Variants in SLAMF9 observed in about 807,000 individuals in gnomAD.
The protein encoded by SLAMF9 is CD2 family member 10.
Under a neutral mutation model 30.4 loss-of-function variants are expected in SLAMF9, and 25 were observed. The ratio of observed to expected loss-of-function variants is 0.82; its 90% CI spans 0.60 to 1.15. The LOEUF (loss-of-function observed/expected upper bound fraction) is 1.15. Among genes scored for constraint, SLAMF9 ranks in the 50% most tolerant of loss-of-function variants. The pLI, the probability that SLAMF9 is intolerant of heterozygous loss-of-function variation, is 0.00. For synonymous variants in SLAMF9, 129 were observed against 127.2 expected, an observed-to-expected ratio of 1.01 and a Z score of -0.09; for missense variants, 344 against 346.1, an observed-to-expected ratio of 0.99 and a Z score of 0.05.
At chr1:159,983,154 C>G in the SLAMF9 span, 2 of 152,290 alleles carry the variant, frequency 1.3e-5, no homozygotes, top group African/African-American at 4.8e-5. Context: ...TCATGACCAG[C>G]TTCTGCCTCC....
At chr1:159,970,085 T>C in the SLAMF9 span, among the ~76,000 whole-genome samples, 3 of 152,082 alleles carry the variant, frequency 2.0e-5, no homozygotes, top group Admixed American at 6.6e-5. Context: ...GATAAATAAA[T>C]AAATAAAATA....
chr1:159,954,486 C>T (rs911280543), upstream of SLAMF9, among the ~76,000 whole-genome samples: 6 of 152,174 alleles, frequency 3.9e-5, no homozygotes, highest in African/African-American at 7.2e-5. Flanking sequence ...GCCCCGAACT[C>T]GTAGAACATT....
upstream of SLAMF9, among the ~76,000 whole-genome samples, chr1:159,955,349 G>A (rs1333716704): frequency 3.3e-5 from 5 of 152,158 alleles, no homozygotes; most frequent in Non-Finnish European, 7.4e-5. Flanking sequence ...CACTTGCTTG[G>A]ATTATCTGCA....
At chr1:159,956,423 C>T (rs1651924334), upstream of SLAMF9, among the ~76,000 whole-genome samples, 1 of 152,046 alleles carries the variant, frequency 6.6e-6, no homozygotes, top group East Asian at 1.9e-4. Flanking sequence ...GAGCTATGAT[C>T]ATGCCACTGC....
the SLAMF9 span, chr1:159,980,717 T>G: frequency 6.6e-6 from 1 of 152,292 alleles, no homozygotes; most frequent in Non-Finnish European, 1.5e-5. Context: ...AATTTTATAT[T>G]GTTAGTAGAG....
At chr1:159,953,104 G>T (rs1323060798) in intron 2 of SLAMF9, among the ~76,000 whole-genome samples, 1 of 152,132 alleles carries the variant, frequency 6.6e-6, no homozygotes, top group African/African-American at 2.4e-5. Flanking sequence ...CAGCCTCCTT[G>T]CTCCAGGTCA....
chr1:159,975,234 A>T, the SLAMF9 span, among the ~76,000 whole-genome samples: 1 of 152,228 alleles, frequency 6.6e-6, no homozygotes, highest in Non-Finnish European at 1.5e-5. Flanking sequence ...CCTCGGATAT[A>T]TGCTAGTTTA....
the SLAMF9 span, chr1:159,972,707 C>T: frequency 1.3e-5 from 3 of 234,658 alleles, no homozygotes; most frequent in Non-Finnish European, 2.5e-5. Flanking sequence ...TACCCAAGAT[C>T]TCTCCATTGA....
chr1:159,963,940 A>C, the SLAMF9 span, among the ~76,000 whole-genome samples: 2 of 152,152 alleles, frequency 1.3e-5, no homozygotes, highest in Non-Finnish European at 1.5e-5. Context: ...AGTGCCTGTA[A>C]TCCCAGCTAC....
Position 159,952,596 on chromosome 1 carries a change from G to A in SLAMF9, c.392-62C>T, listed in dbSNP as rs370680350. On this transcript the variant is annotated intron_variant, in intron 2 of 3. Transcript: ENST00000368093. ...TCAGGGATCGGGTCTGTTTTCCTAA[G>A]CTCCTCAAACCTGGGGTACTAATGC... 191 of 1,570,724 alleles carry A rather than the reference G, an allele frequency of 1.2e-4. No individual in the cohort carries two copies. The East Asian group carries it at 2.8e-3, about 23-fold the overall frequency.
chr1:159,976,908 G>GA, the SLAMF9 span: 1 of 91,614 alleles, frequency 1.1e-5, no homozygotes, highest in African/African-American at 4.8e-5. Context: ...AAGAAGGAAA[G>GA]AAAAAAAGAA....
rs147709939 is a variant in SLAMF9 at position 159,952,495 on chromosome 1, C to G, written c.431G>C (p.Ser144Thr). The G allele has an allele frequency of 6.2e-7, 1 of 1,613,972 alleles. No individual in the cohort carries two copies. The highest frequency in any genetic ancestry group is 1.3e-5 in the African/African-American group (1 of 74,904). The change falls in exon 3 of 4, where the codon AGT (serine) becomes ACT (threonine). Residue 144 changes from serine to threonine, a missense_variant. Ser to Thr is a moderately conservative substitution (Grantham distance 58, BLOSUM62 1). Transcript: ENST00000368093. ...CATACTGCAGGCACCTTCCCCAGAA[C>G]TCTCAAAGTTCACAGTGATCTGGGG... ...SEPQITVNFESSGEGACSMSL... is the reference protein window; with the variant it reads ...SEPQITVNFETSGEGACSMSL...
At chr1:159,962,544 C>A in the SLAMF9 span, among the ~76,000 whole-genome samples, 3 of 152,046 alleles carry the variant, frequency 2.0e-5, no homozygotes, top group East Asian at 5.8e-4. Context: ...CCCACACACA[C>A]CCAGAAGACA....
chr1:159,953,931 C>A (rs1404252505), intron 1 of SLAMF9, among the ~76,000 whole-genome samples, 161 bp downstream of exon 1: 1 of 152,200 alleles, frequency 6.6e-6, no homozygotes, highest in African/African-American at 2.4e-5. Flanking sequence ...CCCCAGGTGT[C>A]TCTCGGTCCT....
the SLAMF9 span, among the ~76,000 whole-genome samples, chr1:159,977,398 G>T: frequency 2.0e-5 from 3 of 152,184 alleles, no homozygotes; most frequent in Non-Finnish European, 4.4e-5. Flanking sequence ...AGCAGATGTA[G>T]TCTTTACTTC....
At chr1:159,968,500 C>A in the SLAMF9 span, among the ~76,000 whole-genome samples, 1 of 152,166 alleles carries the variant, frequency 6.6e-6, no homozygotes, top group Non-Finnish European at 1.5e-5. Context: ...TATCAAGTTC[C>A]CCAAATACCC....
the SLAMF9 span, among the ~76,000 whole-genome samples, chr1:159,965,979 A>G: frequency 6.6e-6 from 1 of 152,196 alleles, no homozygotes; most frequent in Non-Finnish European, 1.5e-5. Context: ...ATTTGAAATT[A>G]CACTTTTAGT....
the SLAMF9 span, among the ~76,000 whole-genome samples, chr1:159,979,358 G>T: frequency 1.3e-5 from 2 of 152,270 alleles, no homozygotes; most frequent in East Asian, 3.9e-4. Flanking sequence ...TGCAAACACT[G>T]GTAGGAAAAT....
the SLAMF9 span, chr1:159,972,904 TG>T: frequency 2.0e-6 from 2 of 999,446 alleles, no homozygotes; most frequent in South Asian, 3.0e-5. Context: ...CCTCCTCTCC[TG>T]GGGACACTTC....
Sources: allele counts gnomAD v4.1 joint callset (sites outside exome capture counted in the v4.1 genomes callset), GRCh38; gene constraint gnomAD v4.1.1; transcripts MANE v1.5; gene names NCBI Gene and HGNC (gene_info 2026-07-23, HGNC 2026-07-21).